NIPAL1: variants seen among roughly 807,000 people sequenced by gnomAD.
The protein encoded by NIPAL1 is magnesium transporter NIPA3.
A neutral mutation model predicts 37.7 loss-of-function variants in NIPAL1; 35 were observed. The ratio of observed to expected loss-of-function variants is 0.93; its 90% CI spans 0.71 to 1.23. NIPAL1 has a LOEUF of 1.23. Among genes scored for constraint, NIPAL1 ranks in the 50% most tolerant of loss-of-function variants. The probability of loss-of-function intolerance (pLI) is 0.00; values close to 1 mark genes in which losing one functional copy is unlikely to be tolerated. For synonymous variants in NIPAL1, 162 were observed against 183.0 expected (o/e 0.89, Z 0.93); for missense variants, 412 against 473.9 (o/e 0.87, Z 1.21).
intron 1 of NIPAL1, 49 bp from the exon 2 acceptor site, chr4:48,025,019 A>C: frequency 1.3e-4 from 196 of 1,547,014 alleles, no homozygotes; most frequent in Middle Eastern, 1.7e-4. Flanking sequence ...GGTAAGCATT[A>C]ATACCTCTCC....
At chr4:48,031,596 A>G (rs1715820643) in intron 3 of NIPAL1, among the ~76,000 whole-genome samples, 1 of 152,232 alleles carries the variant, frequency 6.6e-6, no homozygotes, top group Non-Finnish European at 1.5e-5. Flanking sequence ...TATTGAAGAG[A>G]GAAAAGCATA....
At chr4:48,033,222 G>A in intron 4 of NIPAL1, 139 bp downstream of exon 4, 1 of 520,140 alleles carries the variant, frequency 1.9e-6, no homozygotes, top group Non-Finnish European at 3.4e-6. Context: ...AAGTCTAGAT[G>A]AACCCAAATT....
chr4:48,028,556 A>G (rs542181905), intron 2 of NIPAL1, among the ~76,000 whole-genome samples: 32 of 152,308 alleles, frequency 2.1e-4, no homozygotes, highest in African/African-American at 6.7e-4. Flanking sequence ...AAATGCAACA[A>G]AAACAAAAAT....
At chr4:48,022,975 G>A (rs1234245210) in intron 1 of NIPAL1, among the ~76,000 whole-genome samples, 2 of 152,140 alleles carry the variant, frequency 1.3e-5, no homozygotes, top group Non-Finnish European at 2.9e-5. Context: ...GTGACAGAGT[G>A]AGACCCTGTC....
intron 1 of NIPAL1, among the ~76,000 whole-genome samples, chr4:48,023,904 T>G (rs1196206669): frequency 2.6e-5 from 4 of 152,064 alleles, no homozygotes; most frequent in African/African-American, 9.7e-5. Context: ...TTAAAACGTT[T>G]TTTGAAATAT....
chr4:48,020,837 A>G (rs183056587), intron 1 of NIPAL1, among the ~76,000 whole-genome samples: 1 of 152,202 alleles, frequency 6.6e-6, no homozygotes, highest in Admixed American at 6.5e-5. Context: ...AGATGGTGAG[A>G]CCCCCAACTG....
In NIPAL1 at chr4:48,034,872, T is replaced by C. The variant is rs1715891120; in HGVS notation, c.462-9T>C. ...CTATAGTGATTTTTAATTTTTTCTC[T>C]CCCAACAGTGCAATATTATCTTCCT... On this transcript the variant is annotated splice_polypyrimidine_tract_variant and intron_variant, in intron 4 of 5. Transcript: ENST00000295461. The C allele has an allele frequency of 6.2e-7, 1 of 1,608,130 alleles. No individual in the cohort carries two copies. The highest frequency in any genetic ancestry group is 8.5e-7 in the Non-Finnish European group (1 of 1,176,122).
At chr4:48,022,454 C>T (rs756713907) in intron 1 of NIPAL1, among the ~76,000 whole-genome samples, 1 of 152,176 alleles carries the variant, frequency 6.6e-6, no homozygotes, top group East Asian at 1.9e-4. Flanking sequence ...TTTGATCTCC[C>T]TTATGACCCT....
chr4:48,029,697 A>T (rs1006461745), intron 2 of NIPAL1, among the ~76,000 whole-genome samples: 8 of 152,316 alleles, frequency 5.3e-5, no homozygotes, highest in South Asian at 2.1e-4. Flanking sequence ...CAAAGTTTTT[A>T]AAAAAATTGA....
intron 3 of NIPAL1, among the ~76,000 whole-genome samples, chr4:48,031,873 G>A (rs186684119): frequency 6.6e-6 from 1 of 151,844 alleles, no homozygotes; most frequent in East Asian, 1.9e-4. Flanking sequence ...AGAGTAGCTG[G>A]GATTAAAAAC....
intron 3 of NIPAL1, 38 bp downstream of exon 3, chr4:48,030,214 GAT>G (rs1462912846): frequency 8.2e-7 from 1 of 1,218,144 alleles, no homozygotes; most frequent in South Asian, 1.2e-5. Context: ...TTATTTGTAA[GAT>G]AGTAAATAGA....
intron 1 of NIPAL1, among the ~76,000 whole-genome samples, chr4:48,022,663 A>G (rs1246272512): frequency 6.6e-6 from 1 of 152,226 alleles, no homozygotes; most frequent in African/African-American, 2.4e-5. Flanking sequence ...TTTCTTAGGA[A>G]TGAATGTAAT....
At chr4:48,029,185 A>G (rs938430120) in intron 2 of NIPAL1, among the ~76,000 whole-genome samples, 1 of 152,202 alleles carries the variant, frequency 6.6e-6, no homozygotes, top group Non-Finnish European at 1.5e-5. Context: ...TCGACAGAGG[A>G]CTGGATAAAG....
chr4:48,029,182 A>G (rs1715764281), intron 2 of NIPAL1, among the ~76,000 whole-genome samples: 1 of 151,200 alleles, frequency 6.6e-6, no homozygotes, highest in African/African-American at 2.5e-5. Flanking sequence ...CCATCGACAG[A>G]GGACTGGATA....
In NIPAL1 at chr4:48,034,983, CCCA is replaced by C; in HGVS notation, c.566_568del (p.Pro189del). 6.2e-7 allele frequency: 1 copy of C among 1,613,526 alleles called. No homozygotes were observed. The highest frequency in any genetic ancestry group is 8.5e-7 in the Non-Finnish European group (1 of 1,179,582). ...GGTCAACTGTGATGGTTATCCATGC[CCCA>C]CAAGAAGAGGAAGTCACATCTTTGC... On this transcript the variant is annotated inframe_deletion, in exon 5 of 6. Coordinates refer to ENST00000295461, the MANE Select transcript of NIPAL1 (RefSeq NM_207330.3).
intron 5 of NIPAL1, 42 bp downstream of exon 5, chr4:48,035,083 CT>C: frequency 6.7e-7 from 1 of 1,489,746 alleles, no homozygotes; most frequent in Non-Finnish European, 9.3e-7. Flanking sequence ...TTCTGCTCCA[CT>C]TTCTCTCCTC....
In NIPAL1 at chr4:48,025,050, T is replaced by C. The variant is rs1244784095; in HGVS notation, c.47-18T>C. On this transcript the variant is annotated intron_variant, in intron 1 of 5. Transcript: ENST00000295461. ...TCTCCCTTTCATTCCTGACATTCTC[T>C]TCTTTCCTTTTTTCCAGGATATGTG... The C allele has an allele frequency of 6.2e-7, 1 of 1,609,562 alleles. No individual in the cohort carries two copies. Among genetic ancestry groups the C allele is most frequent in the South Asian group, 1.1e-5 (1 of 90,688 alleles).
intron 1 of NIPAL1, among the ~76,000 whole-genome samples, chr4:48,018,655 C>G (rs564155492): frequency 6.6e-6 from 1 of 152,178 alleles, no homozygotes; most frequent in Non-Finnish European, 1.5e-5. Context: ...AACAAAGACT[C>G]AATTTTTCAC....
At position 48,037,252 on chromosome 4, in the gene NIPAL1, AAC is replaced by A. The variant is rs1715973805; in HGVS notation, c.*1084_*1085del. ...AAGGAAAAAGTTTTCTTCTCACAAA[AAC>A]ACAGACACGTGATTGTTTTCACAGG... is the stretch of plus-strand genomic sequence containing the variant. On this transcript the variant is annotated 3_prime_UTR_variant, in exon 6 of 6. Coordinates refer to ENST00000295461, the MANE Select transcript of NIPAL1 (RefSeq NM_207330.3). The A allele has an allele frequency of 4.6e-6, 2 of 436,840 alleles. No individual in the cohort carries two copies. Among genetic ancestry groups the A allele is most frequent in the African/African-American group, 2.0e-5 (1 of 49,002 alleles). 27.1% of individuals were successfully genotyped at this position (436,840 alleles called of 1,614,324 possible). A position where few individuals can be genotyped will look rare whatever the true frequency, so the allele number is the denominator to read the frequency against.
Sources: allele counts gnomAD v4.1 joint callset (sites outside exome capture counted in the v4.1 genomes callset), GRCh38; gene constraint gnomAD v4.1.1; transcripts MANE v1.5; gene names NCBI Gene and HGNC (gene_info 2026-07-23, HGNC 2026-07-21).